The following MSRA variants were observed in gnomAD, a reference collection of about 807,000 sequenced individuals.
MSRA encodes the protein mitochondrial peptide methionine sulfoxide reductase.
In MSRA, 54 loss-of-function variants were observed where a neutral mutation model predicts 31.3. The observed-to-expected ratio is 1.73, with a 90% CI of 1.39 to 2.17. The LOEUF is 2.17. MSRA is among the 30% of genes most tolerant of loss of function. The probability of loss-of-function intolerance (pLI) is 0.00; values close to 1 mark genes in which losing one functional copy is unlikely to be tolerated. For synonymous variants in MSRA, 169 were observed against 116.5 expected (o/e 1.45, Z -2.90); for missense variants, 507 against 300.9 (o/e 1.69, Z -5.07).
intron 3 of MSRA, among the ~76,000 whole-genome samples, chr8:10,248,986 G>A (rs968821340): frequency 1.3e-5 from 2 of 152,184 alleles, no homozygotes; most frequent in Admixed American, 1.3e-4. Flanking sequence ...TAACCTAGTG[G>A]AATGCCCTGA....
intron 5 of MSRA, among the ~76,000 whole-genome samples, chr8:10,366,551 G>A (rs1180778391): frequency 6.6e-6 from 1 of 152,216 alleles, no homozygotes; most frequent in Non-Finnish European, 1.5e-5. Context: ...GGGAGCTGTG[G>A]TGATCTTTTG....
At chr8:10,189,652 TC>T (rs1408309905) in intron 1 of MSRA, among the ~76,000 whole-genome samples, 1 of 152,224 alleles carries the variant, frequency 6.6e-6, no homozygotes, top group African/African-American at 2.4e-5. Flanking sequence ...TTGAATTTTT[TC>T]ATTGTTAAAA....
chr8:10,386,259 A>G (rs1452177812), intron 5 of MSRA, among the ~76,000 whole-genome samples: 2 of 152,202 alleles, frequency 1.3e-5, no homozygotes, highest in African/African-American at 2.4e-5. Context: ...AGTGGAAGAA[A>G]CATTGGAATC....
Position 10,157,252 on chromosome 8 carries a change from G to A in MSRA, c.143-50581G>A, listed in dbSNP as rs533708036. On this transcript the variant is annotated intron_variant, in intron 1 of 5. Coordinates refer to ENST00000317173, the MANE Select transcript of MSRA (RefSeq NM_012331.5). ...CTCGTTAACACTCCCTTGATGTATG[G>A]TATTTGAGTTTAAGTGTGAAAAGAA... Among the ~76,000 whole-genome samples the A allele has an allele frequency of 1.5e-4, 23 of 152,028 alleles. No individual in the cohort carries two copies. In the South Asian group the frequency reaches 4.6e-3, roughly 30 times the overall value.
chr8:10,423,285 G>T (rs550963675), intron 5 of MSRA, among the ~76,000 whole-genome samples: 1 of 152,156 alleles, frequency 6.6e-6, no homozygotes, highest in Non-Finnish European at 1.5e-5. Context: ...GATCTAAGGC[G>T]TTCCATCTGC....
At chr8:10,372,071 C>A (rs1563405617) in intron 5 of MSRA, among the ~76,000 whole-genome samples, 1 of 152,208 alleles carries the variant, frequency 6.6e-6, no homozygotes, top group Non-Finnish European at 1.5e-5. Context: ...GTCATTGCCA[C>A]CTCATGACAA....
chr8:10,054,693 A>G (rs2128908667), intron 1 of MSRA, 35 bp downstream of exon 1: 1 of 1,482,514 alleles, frequency 6.7e-7, no homozygotes, highest in South Asian at 1.3e-5. Flanking sequence ...GCGGGCGGCG[A>G]CGCTGCGCAT....
At chr8:10,308,912 T>A (rs564821400) in intron 4 of MSRA, among the ~76,000 whole-genome samples, 30 of 152,356 alleles carry the variant, frequency 2.0e-4, no homozygotes, top group African/African-American at 6.7e-4. Flanking sequence ...TTAAATGGAA[T>A]TAGGATTATA....
chr8:10,166,811 G>C (rs1563173305), intron 1 of MSRA, among the ~76,000 whole-genome samples: 1 of 152,144 alleles, frequency 6.6e-6, no homozygotes, highest in East Asian at 1.9e-4. Flanking sequence ...TCATCTGTCA[G>C]CAGAGCCCAT....
chr8:10,265,649 G>A lies in MSRA; in HGVS notation c.331+20426G>A, dbSNP rs1004997269. Among the ~76,000 whole-genome samples the A allele has an allele frequency of 3.3e-5, 5 of 152,192 alleles. No individual in the cohort carries two copies. In the South Asian group the frequency reaches 6.2e-4, roughly 19 times the overall value. On this transcript the variant is annotated intron_variant, in intron 3 of 5. Transcript: ENST00000317173. Reference sequence around the variant, plus strand: ...TAAAGTACATATTTTAAAGTGAACAGTATACGTTTTGACATAGGTAGACAC... The same window carrying A: ...TAAAGTACATATTTTAAAGTGAACAATATACGTTTTGACATAGGTAGACAC...
At chr8:10,358,793 C>T (rs1049582667) in intron 5 of MSRA, among the ~76,000 whole-genome samples, 2 of 150,340 alleles carry the variant, frequency 1.3e-5, no homozygotes, top group Non-Finnish European at 3.0e-5. Context: ...GGGGTTTCAC[C>T]GTTTTAGCCG....
chr8:10,334,096 C>T (rs868244136), intron 5 of MSRA, among the ~76,000 whole-genome samples: 1 of 151,524 alleles, frequency 6.6e-6, no homozygotes, highest in African/African-American at 2.4e-5. Context: ...GAAAAAAGGC[C>T]CCAGCGCCTA....
chr8:10,154,039 A>C (rs1803942061), intron 1 of MSRA, among the ~76,000 whole-genome samples: 1 of 152,212 alleles, frequency 6.6e-6, no homozygotes, highest in South Asian at 2.1e-4. Context: ...TGGCTTCAGG[A>C]ATCTGTACCA....
chr8:10,214,072 A>T (rs1470851895), intron 2 of MSRA, among the ~76,000 whole-genome samples: 2 of 152,164 alleles, frequency 1.3e-5, no homozygotes, highest in Admixed American at 6.5e-5. Flanking sequence ...ACTGGAAAAC[A>T]TGTTTTCCGG....
At chr8:10,089,938 C>T (rs1040204419) in intron 1 of MSRA, among the ~76,000 whole-genome samples, 1 of 152,172 alleles carries the variant, frequency 6.6e-6, no homozygotes, top group Middle Eastern at 3.2e-3. Flanking sequence ...CGAACACCTT[C>T]CACGAGGCAC....
At chr8:10,363,646 T>TA (rs1804983023) in intron 5 of MSRA, among the ~76,000 whole-genome samples, 1 of 151,862 alleles carries the variant, frequency 6.6e-6, no homozygotes, top group South Asian at 2.1e-4. Flanking sequence ...AGGTCCTAAA[T>TA]GTTTACTGAA....
intron 1 of MSRA, among the ~76,000 whole-genome samples, chr8:10,092,827 C>T (rs921528983): frequency 3.9e-5 from 6 of 151,960 alleles, no homozygotes; most frequent in Non-Finnish European, 7.4e-5. Context: ...CCCATTTTTC[C>T]CTTCAATTAT....
chr8:10,317,982 T>C (rs17151728), intron 4 of MSRA, among the ~76,000 whole-genome samples: 26,504 of 152,124 alleles, frequency 0.17, 2,653 homozygotes, highest in African/African-American at 0.27. Flanking sequence ...CCAGGCCCCT[T>C]GTCAGACCTT....
At chr8:10,168,316 T>C (rs1226822030) in intron 1 of MSRA, among the ~76,000 whole-genome samples, 1 of 152,180 alleles carries the variant, frequency 6.6e-6, no homozygotes, top group Non-Finnish European at 1.5e-5. Flanking sequence ...TTCTAAACAG[T>C]ATCTCTCTCT....
Sources: allele counts gnomAD v4.1 joint callset (sites outside exome capture counted in the v4.1 genomes callset), GRCh38; gene constraint gnomAD v4.1.1; transcripts MANE v1.5; gene names NCBI Gene and HGNC (gene_info 2026-07-23, HGNC 2026-07-21).